Variants in ESYT3 observed in about 807,000 individuals in gnomAD.
ESYT3 encodes extended synaptotagmin-3.
A neutral mutation model predicts 111.5 loss-of-function variants in ESYT3; 101 were observed. The observed-to-expected ratio is 0.91, with a 90% CI of 0.77 to 1.07. The LOEUF (loss-of-function observed/expected upper bound fraction) is 1.07. Among genes scored for constraint, ESYT3 ranks in the 50% least tolerant of loss-of-function variants. The probability of loss-of-function intolerance (pLI) is 0.00; values close to 1 mark genes in which losing one functional copy is unlikely to be tolerated. For synonymous variants in ESYT3, 416 were observed against 446.8 expected (o/e 0.93, Z 0.87); for missense variants, 1,097 against 1,109.4 (o/e 0.99, Z 0.16).
At chr3:138,469,852 C>G (rs1397139624) in intron 15 of ESYT3, among the ~76,000 whole-genome samples, 1 of 152,140 alleles carries the variant, frequency 6.6e-6, no homozygotes, top group African/African-American at 2.4e-5. Flanking sequence ...TCAGCTCCCC[C>G]GTAAAAATTC....
At chr3:138,438,059 CTG>C (rs1292274658) in intron 1 of ESYT3, among the ~76,000 whole-genome samples, 2 of 152,286 alleles carry the variant, frequency 1.3e-5, no homozygotes, top group Middle Eastern at 3.4e-3. Flanking sequence ...GGAACACAAA[CTG>C]TGAAGGCAAA....
At chr3:138,442,612 C>T (rs145164722) in intron 1 of ESYT3, among the ~76,000 whole-genome samples, 1 of 152,320 alleles carries the variant, frequency 6.6e-6, no homozygotes, top group East Asian at 1.9e-4. Flanking sequence ...GTCTGTCACT[C>T]TGCCTCCCAG....
Position 138,465,424 on chromosome 3 carries a change from G to A in ESYT3, c.1169+3G>A. 2 of 1,585,628 alleles carry A rather than the reference G, an allele frequency of 1.3e-6. No individual in the cohort carries two copies. Among genetic ancestry groups the A allele is most frequent in the African/African-American group, 1.3e-5 (1 of 74,746 alleles). The stretch of plus-strand genomic sequence containing the variant: ...GACAGGGATGACTTCCTGGGCAGGT[G>A]AGGAGGAGGGCGCACAGCTGGGCCT... On this transcript the variant is annotated splice_donor_region_variant and intron_variant, in intron 10 of 22. Transcript: ENST00000389567.
rs1351465599 is a variant in ESYT3, at chr3:138,435,568, CA to C, written c.327+444del. Reference sequence around the variant, plus strand: ...ACCGCAGTGACAGAAACGGCGGGCCCAGTTGCTTTCGGCCGAGGCCTGGACT... The same window carrying C: ...ACCGCAGTGACAGAAACGGCGGGCCCGTTGCTTTCGGCCGAGGCCTGGACT... On this transcript the variant is annotated intron_variant, in intron 1 of 22. Transcript: ENST00000389567. This position sits in a 1 kb window ranked among gnomAD's most constrained non-coding sequence, Gnocchi z 4.8. 6.6e-6 allele frequency among the ~76,000 whole-genome samples: 1 copy of C among 152,316 alleles called. No homozygotes were observed. The highest frequency in any genetic ancestry group is 1.9e-4 in the East Asian group (1 of 5,188).
At chr3:138,437,576 T>G (rs1241519592) in intron 1 of ESYT3, among the ~76,000 whole-genome samples, 1 of 151,850 alleles carries the variant, frequency 6.6e-6, no homozygotes. Flanking sequence ...TGTGACAGGG[T>G]CAAGTTGAGG....
Position 138,435,218 on chromosome 3 carries a change from C to G in ESYT3, c.327+93C>G, listed in dbSNP as rs2030561679. 2.3e-6 allele frequency: 3 copies of G among 1,280,420 alleles called. No individual in the cohort carries two copies. The highest frequency in any genetic ancestry group is 1.5e-5 in the South Asian group (1 of 65,798). The allele number at this position is 1,280,420 out of a possible 1,614,324, so 79.3% of individuals were successfully genotyped here. A position where few individuals can be genotyped will look rare whatever the true frequency, so the allele number is the denominator to read the frequency against. On this transcript the variant is annotated intron_variant, in intron 1 of 22. Coordinates refer to ENST00000389567, the MANE Select transcript of ESYT3 (RefSeq NM_031913.5). This position sits in a 1 kb window ranked among gnomAD's most constrained non-coding sequence, Gnocchi z 4.8. ...AGCGGGGAGCTGGTGCGCGCAAACC[C>G]GAGGCAGGGCGGGAGCCCGGCGACC...
At chr3:138,436,376 T>TA (rs2030690627) in intron 1 of ESYT3, among the ~76,000 whole-genome samples, 1 of 152,204 alleles carries the variant, frequency 6.6e-6, no homozygotes, top group Admixed American at 6.5e-5. Flanking sequence ...ATCAGTCATA[T>TA]TGGATTAAGG....
At chr3:138,450,974 G>C (rs879495651) in intron 1 of ESYT3, among the ~76,000 whole-genome samples, 11 of 150,824 alleles carry the variant, frequency 7.3e-5, no homozygotes, top group Admixed American at 2.0e-4. Flanking sequence ...GGTGGCTGTG[G>C]CTGCTGTTTT....
intron 4 of ESYT3, 31 bp downstream of exon 4, chr3:138,457,675 G>A (rs747429642): frequency 1.3e-5 from 21 of 1,603,942 alleles, no homozygotes; most frequent in Admixed American, 6.7e-5. Flanking sequence ...TATGGGCTTC[G>A]GGGTGCAGGG....
rs2032475906 is a variant in ESYT3, at chr3:138,459,203, G to GA, written c.599dup (p.Ile201AspfsTer66). The GA allele has an allele frequency of 3.2e-6, 5 of 1,539,194 alleles. No homozygotes were observed. Among genetic ancestry groups the GA allele is most frequent in the Non-Finnish European group, 4.4e-6 (5 of 1,133,934 alleles). ...CCATTTCAGCTACATCGGGGACTGT[G>GA]AGATCAGTGTGGAGCTGCAGAAGAT... On this transcript the variant is annotated frameshift_variant, in exon 5 of 23. Coordinates refer to ENST00000389567, the MANE Select transcript of ESYT3 (RefSeq NM_031913.5). LOFTEE classifies it high-confidence loss of function.
intron 20 of ESYT3, among the ~76,000 whole-genome samples, chr3:138,475,569 T>C (rs2033440329): frequency 6.6e-6 from 1 of 151,974 alleles, no homozygotes; most frequent in Non-Finnish European, 1.5e-5. Context: ...AGAAAAAAAC[T>C]GAGAAGGGGG....
rs147129542 is a variant in ESYT3, at chr3:138,468,685, G to C, written c.1339G>C (p.Val447Leu). Residue 447 changes from valine (V) to leucine (L), a missense_variant, in exon 13 of 23, where the codon GTG (valine) becomes CTG (leucine). By Grantham distance (32) the Val-to-Leu change is conservative. Coordinates refer to ENST00000389567, the MANE Select transcript of ESYT3 (RefSeq NM_031913.5). ...DHGGLSTAIL[V>L]VFLESACNLP... ...TGGTGGCCTTTCCACTGCCATTCTC[G>C]TGGTCTTCTTGGAGAGTGCCTGCAA... The C allele has an allele frequency of 2.8e-4, 444 of 1,613,696 alleles. No homozygotes were observed. The African/African-American group carries it at 5.2e-3, about 19-fold the overall frequency.
rs755312268 is a variant in ESYT3 at position 138,476,868 on chromosome 3, TATCA to T, written c.*15_*18del. 3.1e-6 allele frequency: 5 copies of T among 1,607,380 alleles called. No individual in the cohort carries two copies. The highest frequency in any genetic ancestry group is 4.3e-6 in the Non-Finnish European group (5 of 1,174,078). ...CCCAGAAGCTGATGATGAGAATTCT[TATCA>T]CTCACCTTTATATTAAAATGTATAT... On this transcript the variant is annotated 3_prime_UTR_variant, in exon 23 of 23. Coordinates refer to ENST00000389567, the MANE Select transcript of ESYT3 (RefSeq NM_031913.5).
At chr3:138,470,816 A>G (rs3813264) in intron 16 of ESYT3, 61 bp from the exon 17 acceptor site, 1,129,416 of 1,608,380 alleles carry the variant, frequency 0.7, 403,952 homozygotes, top group Admixed American at 0.81. Context: ...GGGCTCAGAT[A>G]CTAGTAGTGG....
Position 138,472,860 on chromosome 3 carries a change from G to A in ESYT3, c.2237+1G>A, listed in dbSNP as rs750809348. ...TGGCAGATATCAGCCTCAACATTGA[G>A]TATGCACCTCTCTGCTTAATCTTTT... is the stretch of plus-strand genomic sequence containing the variant. On this transcript the variant is annotated splice_donor_variant, in intron 18 of 22. Transcript: ENST00000389567. LOFTEE classifies it high-confidence loss of function. 13 of 1,612,664 alleles carry A rather than the reference G, an allele frequency of 8.1e-6. No individual in the cohort carries two copies. The highest frequency in any genetic ancestry group is 1.1e-5 in the Non-Finnish European group (13 of 1,179,330).
chr3:138,436,403 C>T, intron 1 of ESYT3, among the ~76,000 whole-genome samples: 1 of 152,204 alleles, frequency 6.6e-6, no homozygotes, highest in South Asian at 2.1e-4. Flanking sequence ...CTAATGAACT[C>T]ATTTTAACTT....
intron 18 of ESYT3, chr3:138,473,260 T>C (rs976304939): frequency 1.3e-5 from 10 of 760,592 alleles, no homozygotes; most frequent in Non-Finnish European, 1.9e-5. Context: ...GATGGAACTA[T>C]CATAAAAGTT....
chr3:138,438,026 A>C (rs2030852281), intron 1 of ESYT3, among the ~76,000 whole-genome samples: 2 of 152,174 alleles, frequency 1.3e-5, no homozygotes, highest in Admixed American at 6.5e-5. Flanking sequence ...ACCTGGTTGA[A>C]TATTCTTCTC....
At chr3:138,438,082 G>T (rs2030859098) in intron 1 of ESYT3, among the ~76,000 whole-genome samples, 5 of 152,188 alleles carry the variant, frequency 3.3e-5, no homozygotes, top group African/African-American at 1.2e-4. Flanking sequence ...GAGAGACAGG[G>T]CTCTGGGCGT....
Sources: gnomAD v4.1 joint callset for allele counts (sites outside exome capture counted in the v4.1 genomes callset) on GRCh38, gnomAD v4.1.1 for gene constraint, Gnocchi (gnomAD v3.1) non-coding constraint, MANE v1.5 for transcripts, NCBI Gene and HGNC (gene_info 2026-07-23, HGNC 2026-07-21) for gene names.